The following MEOX2 variants were observed in gnomAD, a reference collection of about 807,000 sequenced individuals.
The protein encoded by MEOX2 is mesenchyme homeobox 2.
A neutral mutation model predicts 27.0 loss-of-function variants in MEOX2; 11 were observed. The ratio of observed to expected loss-of-function variants is 0.41; its 90% confidence interval spans 0.26 to 0.68. MEOX2 has a LOEUF of 0.68. Among genes scored for constraint, MEOX2 ranks in the 30% least tolerant of loss-of-function variants. The pLI, the probability that MEOX2 is intolerant of heterozygous loss-of-function variation, is 0.33. For missense variants in MEOX2, 436 were observed against 385.4 expected (o/e 1.13, Z -1.10); for synonymous variants, 189 against 155.4 (o/e 1.22, Z -1.61).
chr7:15,651,476 A>G (rs1781731810), intron 1 of MEOX2, among the ~76,000 whole-genome samples: 1 of 152,048 alleles, frequency 6.6e-6, no homozygotes, highest in African/African-American at 2.4e-5. Flanking sequence ...TAATTTCTAC[A>G]GGGTTCTTGA....
intron 2 of MEOX2, among the ~76,000 whole-genome samples, chr7:15,625,438 G>A (rs1249214961): frequency 6.6e-6 from 1 of 152,118 alleles, no homozygotes; most frequent in Non-Finnish European, 1.5e-5. Context: ...TAAAACCACA[G>A]AAAAGTGTTC....
intron 1 of MEOX2, among the ~76,000 whole-genome samples, chr7:15,655,481 C>T (rs1465356285): frequency 6.6e-6 from 1 of 151,480 alleles, no homozygotes; most frequent in East Asian, 1.9e-4. Context: ...GTTCTGAAAC[C>T]TTTTCTGTTT....
intron 1 of MEOX2, among the ~76,000 whole-genome samples, chr7:15,684,898 G>A (rs1238359308): frequency 6.6e-6 from 1 of 152,216 alleles, no homozygotes; most frequent in African/African-American, 2.4e-5. Flanking sequence ...AAACTTGTCT[G>A]GAAACTTTGA....
intron 1 of MEOX2, among the ~76,000 whole-genome samples, chr7:15,672,776 C>T (rs901608972): frequency 2.6e-5 from 4 of 151,732 alleles, no homozygotes; most frequent in African/African-American, 9.7e-5. Flanking sequence ...CCTGTAGTCC[C>T]AGCTACTTGG....
chr7:15,671,678 T>G (rs887274226), intron 1 of MEOX2, among the ~76,000 whole-genome samples: 1 of 152,076 alleles, frequency 6.6e-6, no homozygotes, highest in African/African-American at 2.4e-5. Context: ...CAAATCAGAG[T>G]GACATGACAC....
chr7:15,625,506 C>T (rs1180539719), intron 2 of MEOX2, among the ~76,000 whole-genome samples: 1 of 152,142 alleles, frequency 6.6e-6, no homozygotes, highest in South Asian at 2.1e-4. Flanking sequence ...TAAAAATTAA[C>T]AGAAGGAAAG....
At chr7:15,631,357 G>A (rs894035872) in intron 1 of MEOX2, among the ~76,000 whole-genome samples, 1 of 151,794 alleles carries the variant, frequency 6.6e-6, no homozygotes, top group Non-Finnish European at 1.5e-5. Flanking sequence ...TGCTTTCGGG[G>A]AGGAAATAAA....
intron 1 of MEOX2, among the ~76,000 whole-genome samples, chr7:15,634,129 T>C (rs1196464045): frequency 6.6e-6 from 1 of 151,932 alleles, no homozygotes; most frequent in Admixed American, 6.6e-5. Flanking sequence ...TATTATAAAA[T>C]TTGAAACCAA....
At chr7:15,685,725 G>T (rs1782368342) in intron 1 of MEOX2, among the ~76,000 whole-genome samples, 161 bp downstream of exon 1, 2 of 152,194 alleles carry the variant, frequency 1.3e-5, no homozygotes, top group South Asian at 4.1e-4. Context: ...CAAATATCAG[G>T]ACCAAAGCTT....
chr7:15,643,946 A>G (rs1781602898), intron 1 of MEOX2, among the ~76,000 whole-genome samples: 1 of 152,180 alleles, frequency 6.6e-6, no homozygotes, highest in African/African-American at 2.4e-5. Flanking sequence ...CCACCAACAA[A>G]ACAAGACAAT....
chr7:15,686,266 G>A lies in MEOX2; in HGVS notation c.137C>T (p.Ser46Leu). ...MSYPELSTSS[S>L]SCIIAGYPNE... ...GGGGTATCCCGCGATTATGCAAGAT[G>A]AGGAAGAAGTAGAGAGCTCGGGGTA... Residue 46 changes from serine to leucine, a missense_variant, in exon 1 of 3, where the codon TCA (serine) becomes TTA (leucine). Ser to Leu is a moderately radical substitution (Grantham distance 145). Transcript: ENST00000262041. 2 of 1,613,120 alleles carry A rather than the reference G, an allele frequency of 1.2e-6. No homozygotes were observed. The highest frequency in any genetic ancestry group is 1.7e-6 in the Non-Finnish European group (2 of 1,179,592).
intron 1 of MEOX2, among the ~76,000 whole-genome samples, chr7:15,643,359 T>G (rs1356192819): frequency 6.6e-6 from 1 of 152,160 alleles, no homozygotes; most frequent in African/African-American, 2.4e-5. Context: ...GTCAGGCAAC[T>G]CAGCCACCAG....
At position 15,656,222 on chromosome 7, in the gene MEOX2, C is replaced by T. The variant is rs575767434; in HGVS notation, c.518-29304G>A. 4.0e-4 allele frequency among the ~76,000 whole-genome samples: 60 copies of T among 151,596 alleles called. 1 individual carries two copies. Among genetic ancestry groups the T allele is most frequent in the African/African-American group, 1.4e-3 (59 of 41,450 alleles). On this transcript the variant is annotated intron_variant, in intron 1 of 2. Coordinates refer to ENST00000262041, the MANE Select transcript of MEOX2 (RefSeq NM_005924.5). ...TCCTTTTTTATTTTAATTTTCTTTGCTCCCAACCTAGATTTATGATTGTAT... is the reference window on the plus strand; with the variant it reads ...TCCTTTTTTATTTTAATTTTCTTTGTTCCCAACCTAGATTTATGATTGTAT...
chr7:15,662,383 A>T (rs73288137), intron 1 of MEOX2, among the ~76,000 whole-genome samples: 4,947 of 152,074 alleles, frequency 0.033, 263 homozygotes, highest in African/African-American at 0.11. Flanking sequence ...GATTGAGACA[A>T]TTCTACTTAT....
At chr7:15,660,212 C>T (rs761118129) in intron 1 of MEOX2, among the ~76,000 whole-genome samples, 3 of 152,106 alleles carry the variant, frequency 2.0e-5, no homozygotes, top group Admixed American at 1.3e-4. Context: ...CACAAAAGAG[C>T]ACAGAATGTC....
At chr7:15,645,883 A>G (rs913354306) in intron 1 of MEOX2, among the ~76,000 whole-genome samples, 1 of 152,144 alleles carries the variant, frequency 6.6e-6, no homozygotes, top group Admixed American at 6.5e-5. Context: ...TTGTGTGTGC[A>G]TATGTGTATG....
At chr7:15,631,140 A>T (rs1220659310) in intron 1 of MEOX2, among the ~76,000 whole-genome samples, 1 of 151,870 alleles carries the variant, frequency 6.6e-6, no homozygotes, top group Non-Finnish European at 1.5e-5. Flanking sequence ...ATAATAATAC[A>T]TTCTCTTACA....
chr7:15,639,376 T>C (rs1343764696), intron 1 of MEOX2, among the ~76,000 whole-genome samples: 2 of 152,082 alleles, frequency 1.3e-5, no homozygotes, highest in Non-Finnish European at 2.9e-5. Context: ...TTCTGGATAT[T>C]AGTCTTTTGT....
chr7:15,685,510 C>T (rs1187750095), intron 1 of MEOX2, among the ~76,000 whole-genome samples: 1 of 152,220 alleles, frequency 6.6e-6, no homozygotes, highest in East Asian at 1.9e-4. Flanking sequence ...AGAAGCGGCA[C>T]CCGCACGCAC....
Sources: allele counts gnomAD v4.1 joint callset (sites outside exome capture counted in the v4.1 genomes callset), GRCh38; gene constraint gnomAD v4.1.1; transcripts MANE v1.5; gene names NCBI Gene and HGNC (gene_info 2026-07-23, HGNC 2026-07-21).